Variants in ZHX2 observed in about 807,000 individuals in gnomAD.
The protein encoded by ZHX2 is zinc fingers and homeoboxes protein 2.
In ZHX2, 6 loss-of-function variants were observed where a neutral mutation model predicts 21.9. The observed-to-expected ratio is 0.27, with a 90% CI of 0.15 to 0.54. The LOEUF (loss-of-function observed/expected upper bound fraction) is 0.54, where lower values mean the gene tolerates loss of function less well. Ranked by LOEUF, ZHX2 falls within the 20% of genes least tolerant of loss-of-function variation. The pLI is 0.95. For synonymous variants in ZHX2, 434 were observed against 437.1 expected, an observed-to-expected ratio of 0.99 and a Z score of 0.09; for missense variants, 908 against 1,090.7, an observed-to-expected ratio of 0.83 and a Z score of 2.36.
intron 1 of ZHX2, among the ~76,000 whole-genome samples, chr8:122,860,211 A>C (rs777988255): frequency 3.9e-5 from 6 of 152,220 alleles, no homozygotes; most frequent in Non-Finnish European, 8.8e-5. Context: ...CTCACTCACT[A>C]TCATGAGAAC....
intron 1 of ZHX2, among the ~76,000 whole-genome samples, chr8:122,840,958 G>A (rs957732974): frequency 2.0e-5 from 3 of 152,204 alleles, no homozygotes; most frequent in African/African-American, 7.2e-5. Flanking sequence ...ATGGTGCCAT[G>A]TTTCCTCTGC....
intron 1 of ZHX2, among the ~76,000 whole-genome samples, chr8:122,840,541 A>T (rs2130708149): frequency 6.6e-6 from 1 of 152,364 alleles, no homozygotes; most frequent in Non-Finnish European, 1.5e-5. Flanking sequence ...GCTTTACGTT[A>T]AAAGTGGCTT....
chr8:122,789,052 A>C (rs1039826560), intron 1 of ZHX2, among the ~76,000 whole-genome samples: 4 of 152,206 alleles, frequency 2.6e-5, no homozygotes, highest in Non-Finnish European at 5.9e-5. Context: ...CGTGGGCTGA[A>C]AGCTGCAAAG....
At chr8:122,921,850 A>G (rs1158509828) in intron 2 of ZHX2, among the ~76,000 whole-genome samples, 1 of 152,178 alleles carries the variant, frequency 6.6e-6, no homozygotes, top group Non-Finnish European at 1.5e-5. Flanking sequence ...CTCAGGGGCA[A>G]AAAAAAGAGA....
At position 122,847,298 on chromosome 8, in the gene ZHX2, G is replaced by A. The variant is rs192833291; in HGVS notation, c.-282-16179G>A. Among the ~76,000 whole-genome samples, 638 of 152,296 alleles carry A rather than the reference G, an allele frequency of 4.2e-3. 2 individuals are homozygous for A. The highest frequency in any genetic ancestry group is 7.5e-3 in the Non-Finnish European group (507 of 68,012). ...CCCGTCAAGTCTGCCTCCCCACTGA[G>A]GGGGGTTGAGCCCACTGTCCAGGAC... is the stretch of plus-strand genomic sequence containing the variant. On this transcript the variant is annotated intron_variant, in intron 1 of 3. Coordinates refer to ENST00000314393, the MANE Select transcript of ZHX2 (RefSeq NM_014943.5).
At chr8:122,809,185 C>G (rs1817878809) in intron 1 of ZHX2, 1 of 152,332 alleles carries the variant, frequency 6.6e-6, no homozygotes, top group African/African-American at 2.4e-5. Context: ...TGGAGAAGGA[C>G]AAACCTGAAG....
At chr8:122,789,555 G>T (rs770607516) in intron 1 of ZHX2, among the ~76,000 whole-genome samples, 1 of 152,232 alleles carries the variant, frequency 6.6e-6, no homozygotes, top group Non-Finnish European at 1.5e-5. Flanking sequence ...TTGTGGCAGT[G>T]GTGGTCCGGA....
At position 122,800,365 on chromosome 8, in the gene ZHX2, C is replaced by T. The variant is rs1032057812; in HGVS notation, c.-283+18419C>T. Among the ~76,000 whole-genome samples, 3 of 152,286 alleles carry T rather than the reference C, an allele frequency of 2.0e-5. No individual in the cohort carries two copies. In the South Asian group the frequency reaches 6.2e-4, roughly 32 times the overall value. On this transcript the variant is annotated intron_variant, in intron 1 of 3. Transcript: ENST00000314393. ...AGCTATAGTCAGAGTAATGGTTGTC[C>T]CTAGTGTTTCTGCTGTGAGGCGCCC...
At chr8:122,925,200 G>A (rs751902554) in intron 2 of ZHX2, among the ~76,000 whole-genome samples, 1 of 152,164 alleles carries the variant, frequency 6.6e-6, no homozygotes, top group African/African-American at 2.4e-5. Context: ...ACACAGTTGT[G>A]GCATGAATTA....
rs202202495 is a variant in ZHX2, at chr8:122,953,222, G to C, written c.1712G>C (p.Arg571Thr). Reference sequence around the variant, plus strand: ...AGGGTGGAGACCAAGCTGAGCAGGAGAGAGATCGACTCCTGGTTCTCGGAG... The same window carrying C: ...AGGGTGGAGACCAAGCTGAGCAGGACAGAGATCGACTCCTGGTTCTCGGAG... ...RLRVETKLSR[R>T]EIDSWFSERR... is the part of the protein sequence containing the mutation. The change falls in exon 3 of 4, where the codon AGA becomes ACA. Residue 571 changes from arginine (R) to threonine (T), a missense_variant. Arg to Thr is a moderately conservative substitution (Grantham distance 71). This residue lies in a region of ZHX2 where 431 missense variants were observed against 428.6 expected (regional missense o/e 1.01). Coordinates refer to ENST00000314393, the MANE Select transcript of ZHX2 (RefSeq NM_014943.5). The surrounding 1 kb of genome is among the most constrained non-coding windows in gnomAD (Gnocchi z 4.6). 8 of 1,613,976 alleles carry C rather than the reference G, an allele frequency of 5.0e-6. No homozygotes were observed. Among genetic ancestry groups the C allele is most frequent in the Non-Finnish European group, 5.9e-6 (7 of 1,180,010 alleles).
At position 122,953,631 on chromosome 8, in the gene ZHX2, C is replaced by T. The variant is rs186468091; in HGVS notation, c.2121C>T (p.Ala707=). The T allele has an allele frequency of 3.0e-5, 48 of 1,614,150 alleles. No homozygotes were observed. The East Asian group carries it at 3.3e-4, about 11-fold the overall frequency. Residue 707 remains alanine, a synonymous_variant, in exon 3 of 4, where the codon GCC becomes GCT. Coordinates refer to ENST00000314393, the MANE Select transcript of ZHX2 (RefSeq NM_014943.5). The surrounding 1 kb of genome is among the most constrained non-coding windows in gnomAD (Gnocchi z 4.6). ...TGGCAGATGATCACGGCTACGATGCCGTAGCAAGGAAAGCAACAAAACCCA... is the reference window on the plus strand; with the variant it reads ...TGGCAGATGATCACGGCTACGATGCTGTAGCAAGGAAAGCAACAAAACCCA... ...QPMADDHGYD[A]VARKATKPMA...
chr8:122,832,633 T>A (rs1310708283), intron 1 of ZHX2, among the ~76,000 whole-genome samples: 2 of 152,108 alleles, frequency 1.3e-5, no homozygotes, highest in Non-Finnish European at 2.9e-5. Context: ...CAGCTTAGTA[T>A]AACGGTTTGG....
At chr8:122,802,967 C>T (rs1482808447) in intron 1 of ZHX2, among the ~76,000 whole-genome samples, 5 of 151,722 alleles carry the variant, frequency 3.3e-5, no homozygotes, top group Non-Finnish European at 7.4e-5. Context: ...CACCCCACCC[C>T]GCCCCCAGTT....
chr8:122,784,880 T>A (rs953515129), intron 1 of ZHX2, among the ~76,000 whole-genome samples: 4 of 152,212 alleles, frequency 2.6e-5, no homozygotes, highest in Non-Finnish European at 5.9e-5. Context: ...CACACTCTGC[T>A]GTTGCAATGC....
At chr8:122,930,966 GT>G (rs11319315) in intron 2 of ZHX2, among the ~76,000 whole-genome samples, 78,454 of 151,692 alleles carry the variant, frequency 0.52, 21,323 homozygotes, top group Non-Finnish European at 0.6. Context: ...TGGTCCTGGT[GT>G]TATCATGGGA....
chr8:122,834,411 T>C (rs1818451988), intron 1 of ZHX2, among the ~76,000 whole-genome samples: 1 of 152,188 alleles, frequency 6.6e-6, no homozygotes, highest in African/African-American at 2.4e-5. Context: ...TTACCTGGGT[T>C]TGGGCATTGT....
At chr8:122,817,508 T>C (rs1328973803) in intron 1 of ZHX2, among the ~76,000 whole-genome samples, 1 of 152,170 alleles carries the variant, frequency 6.6e-6, no homozygotes, top group Non-Finnish European at 1.5e-5. Context: ...CTGGGCACAC[T>C]ACCTCCTCAG....
At chr8:122,932,767 C>A (rs1034989246) in intron 2 of ZHX2, among the ~76,000 whole-genome samples, 1 of 152,204 alleles carries the variant, frequency 6.6e-6, no homozygotes, top group Admixed American at 6.5e-5. Context: ...TCATCCAAAT[C>A]CCTTTGCCGT....
chr8:122,909,553 C>A (rs1820426735), intron 2 of ZHX2, among the ~76,000 whole-genome samples: 1 of 152,086 alleles, frequency 6.6e-6, no homozygotes, highest in African/African-American at 2.4e-5. Context: ...AAACACCCAA[C>A]ACTCTTATTC....
Sources: gnomAD v4.1 joint callset for allele counts (sites outside exome capture counted in the v4.1 genomes callset) on GRCh38, gnomAD v4.1.1 for gene constraint, gnomAD v4.1.1 regional missense constraint, Gnocchi (gnomAD v3.1) non-coding constraint, MANE v1.5 for transcripts, NCBI Gene and HGNC (gene_info 2026-07-23, HGNC 2026-07-21) for gene names.